RALGAPA2: variants seen among roughly 807,000 people sequenced by gnomAD.
RALGAPA2 encodes Ral GTPase activating protein catalytic subunit alpha 2.
RALGAPA2 carries 139 observed loss-of-function variants against 230.4 expected under a neutral mutation model. The observed-to-expected ratio is 0.60, with a 90% CI of 0.53 to 0.69. RALGAPA2 has a LOEUF of 0.69. Ranked by LOEUF, RALGAPA2 falls within the 30% of genes least tolerant of loss-of-function variation. RALGAPA2 has a pLI of 0.00. For missense variants in RALGAPA2, 2,163 were observed against 2,276.0 expected (o/e 0.95, Z 1.01); for synonymous variants, 847 against 837.8 (o/e 1.01, Z -0.19).
chr20:20,632,703 ATCTCATCATGGTT>A (rs1568677125), intron 9 of RALGAPA2, among the ~76,000 whole-genome samples: 2 of 152,312 alleles, frequency 1.3e-5, no homozygotes, highest in East Asian at 1.9e-4. Context: ...GAATAAAGGT[ATCTCATCATGGTT>A]CAGAACTAAC....
At chr20:20,407,119 C>T (rs190744523) in intron 38 of RALGAPA2, among the ~76,000 whole-genome samples, 67 of 152,168 alleles carry the variant, frequency 4.4e-4, no homozygotes, top group African/African-American at 1.5e-3. Flanking sequence ...CTGGGTTGGT[C>T]TTCAGCTTGC....
rs565656992 is a variant in RALGAPA2 at position 20,509,651 on chromosome 20, G to A, written c.4928+1603C>T. Reference sequence around the variant, plus strand: ...GTAGCTATATGATGCAATAAGAGGCGCTCAGTGACCTGGGAGACAGGTGGG... The same window carrying A: ...GTAGCTATATGATGCAATAAGAGGCACTCAGTGACCTGGGAGACAGGTGGG... On this transcript the variant is annotated intron_variant, in intron 33 of 39. Coordinates refer to ENST00000202677, the MANE Select transcript of RALGAPA2 (RefSeq NM_020343.4). Among the ~76,000 whole-genome samples, 10 of 152,222 alleles carry A rather than the reference G, an allele frequency of 6.6e-5. No individual in the cohort carries two copies. In the South Asian group the frequency reaches 8.3e-4, roughly 13 times the overall value.
chr20:20,676,226 C>T lies in RALGAPA2; in HGVS notation c.270+10G>A. On this transcript the variant is annotated intron_variant, in intron 3 of 39. Transcript: ENST00000202677. ...AATTATAAAAGCTAAATAAACTCAT[C>T]AAAACTTACTTCAAAAAGGAAGAGG... is the stretch of plus-strand genomic sequence containing the variant. The T allele has an allele frequency of 6.6e-7, 1 of 1,511,246 alleles. No individual in the cohort carries two copies. Among genetic ancestry groups the T allele is most frequent in the East Asian group, 2.3e-5 (1 of 43,816 alleles). The allele number at this position is 1,511,246 out of a possible 1,614,324, so 93.6% of individuals were successfully genotyped here.
chr20:20,601,511 A>C (rs1231468448), intron 16 of RALGAPA2, among the ~76,000 whole-genome samples, 171 bp downstream of exon 16: 1 of 152,230 alleles, frequency 6.6e-6, no homozygotes, highest in East Asian at 1.9e-4. Context: ...GTAACTGAAA[A>C]CTGTGATTTG....
chr20:20,551,933 T>G (rs905782428), intron 23 of RALGAPA2, among the ~76,000 whole-genome samples: 10 of 152,192 alleles, frequency 6.6e-5, no homozygotes, highest in Admixed American at 5.9e-4. Flanking sequence ...ATTGCACAGC[T>G]ATAATTTAGT....
In RALGAPA2 at chr20:20,540,404, T is replaced by C. The variant is rs139799296; in HGVS notation, c.3286-3620A>G. ...TACCTCAGGCAGATAGTTAAATGTA[T>C]ATAACATTACATAACATTGATATAT... On this transcript the variant is annotated intron_variant, in intron 24 of 39. Coordinates refer to ENST00000202677, the MANE Select transcript of RALGAPA2 (RefSeq NM_020343.4). Among the ~76,000 whole-genome samples the C allele has an allele frequency of 2.0e-5, 3 of 152,358 alleles. No individual in the cohort carries two copies. In the East Asian group the frequency reaches 5.8e-4, roughly 29 times the overall value.
chr20:20,587,748 C>G (rs1468418159), intron 18 of RALGAPA2, among the ~76,000 whole-genome samples: 2 of 151,526 alleles, frequency 1.3e-5, no homozygotes. Context: ...CAAACATAAC[C>G]AAAATAGGAT....
intron 2 of RALGAPA2, among the ~76,000 whole-genome samples, chr20:20,677,628 C>CTTTTTTTTTTTTTTTTTTTTT (rs1568741580): frequency 8.2e-6 from 1 of 121,840 alleles, no homozygotes. Context: ...TGATTTGACC[C>CTTTTTTTTTTTTTTTTTTTTT]ATTTTTTTTT....
chr20:20,665,640 A>G (rs1568726090), intron 3 of RALGAPA2, among the ~76,000 whole-genome samples: 1 of 152,256 alleles, frequency 6.6e-6, no homozygotes, highest in Admixed American at 6.5e-5. Flanking sequence ...CTAACATTCT[A>G]TAATAGGATA....
Position 20,639,858 on chromosome 20 carries a change from A to G in RALGAPA2, c.593T>C (p.Ile198Thr). 3 of 1,613,734 alleles carry G rather than the reference A, an allele frequency of 1.9e-6. No homozygotes were observed. Among genetic ancestry groups the G allele is most frequent in the Non-Finnish European group, 2.5e-6 (3 of 1,179,628 alleles). ...GTCCTCAGCAATCTTCTCCCCTGATATGGCTGGTAGGAGTGGAGTGATTTC... is the reference window on the plus strand; with the variant it reads ...GTCCTCAGCAATCTTCTCCCCTGATGTGGCTGGTAGGAGTGGAGTGATTTC... ...PEEITPLLPA[I>T]SGEKIAEDQT... is the part of the protein sequence containing the mutation. Residue 198 changes from isoleucine (I) to threonine (T), a missense_variant, in exon 7 of 40, where the codon ATA becomes ACA. Ile to Thr is a moderately conservative substitution (Grantham distance 89). Transcript: ENST00000202677.
chr20:20,461,316 A>G (rs1245629924), intron 37 of RALGAPA2, among the ~76,000 whole-genome samples: 1 of 152,222 alleles, frequency 6.6e-6, no homozygotes, highest in Non-Finnish European at 1.5e-5. Context: ...CTTAAATTTA[A>G]AACTAACTTA....
chr20:20,688,227 A>T (rs1304250605), intron 1 of RALGAPA2, among the ~76,000 whole-genome samples: 2 of 151,806 alleles, frequency 1.3e-5, no homozygotes, highest in Admixed American at 6.6e-5. Flanking sequence ...AATCACTTGA[A>T]CCCAGGAGGC....
chr20:20,632,704 T>A (rs1051988663), intron 9 of RALGAPA2, among the ~76,000 whole-genome samples: 1 of 152,178 alleles, frequency 6.6e-6, no homozygotes, highest in Non-Finnish European at 1.5e-5. Context: ...AATAAAGGTA[T>A]CTCATCATGG....
rs750584441 is a variant in RALGAPA2, at chr20:20,536,804, G to A, written c.3286-20C>T. The A allele has an allele frequency of 6.2e-6, 10 of 1,603,952 alleles. No homozygotes were observed. The African/African-American group carries it at 1.3e-4, about 22-fold the overall frequency. On this transcript the variant is annotated intron_variant, in intron 24 of 39. Transcript: ENST00000202677. ...AGGCGCCTGCACATAAGGAAGAGGA[G>A]CACACACATTTCTCTTTTTGTAAGT...
chr20:20,439,756 G>C (rs187471754), intron 37 of RALGAPA2, among the ~76,000 whole-genome samples: 4 of 152,226 alleles, frequency 2.6e-5, no homozygotes, highest in African/African-American at 9.6e-5. Context: ...TCTTTCTACA[G>C]TTCGTTTTTT....
chr20:20,605,181 C>T lies in RALGAPA2; in HGVS notation c.2032G>A (p.Gly678Ser). 6.2e-7 allele frequency: 1 copy of T among 1,602,780 alleles called. No individual in the cohort carries two copies. Among genetic ancestry groups the T allele is most frequent in the Non-Finnish European group, 8.5e-7 (1 of 1,171,812 alleles). Residue 678 changes from glycine (G) to serine (S), a missense_variant, in exon 15 of 40, where the codon GGC (glycine) becomes AGC (serine). Transcript: ENST00000202677. ...CCTGGAAGAGTGGAAATACCTTTGC[C>T]TCGTTGCTTCTTTTCCTTTTGTTCA... ...LSEQKEKKQR[G>S]KGCVLDPQKG...
chr20:20,514,562 G>A (rs1008973515), intron 31 of RALGAPA2, among the ~76,000 whole-genome samples: 3 of 152,120 alleles, frequency 2.0e-5, no homozygotes, highest in African/African-American at 7.2e-5. Context: ...CACCCTTCCT[G>A]TAGAGATTAT....
Position 20,463,879 on chromosome 20 carries a change from G to T in RALGAPA2, c.5495+8950C>A, listed in dbSNP as rs1384065444. ...AGCAAATACCCTCTTGCATGCTTTT[G>T]ATATGATGACCATTTCCACTTTTCT... On this transcript the variant is annotated intron_variant, in intron 37 of 39. Transcript: ENST00000202677. Among the ~76,000 whole-genome samples, 3 of 152,200 alleles carry T rather than the reference G, an allele frequency of 2.0e-5. No homozygotes were observed. In the East Asian group the frequency reaches 5.8e-4, roughly 29 times the overall value.
intron 1 of RALGAPA2, among the ~76,000 whole-genome samples, chr20:20,691,630 G>A (rs563452019): frequency 6.6e-5 from 10 of 152,192 alleles, no homozygotes; most frequent in Admixed American, 4.6e-4. Context: ...GTTCCACACC[G>A]CTAATCCAAT....
Sources: allele counts gnomAD v4.1 joint callset (sites outside exome capture counted in the v4.1 genomes callset), GRCh38; gene constraint gnomAD v4.1.1; transcripts MANE v1.5; gene names NCBI Gene and HGNC (gene_info 2026-07-23, HGNC 2026-07-21).